The following LYZ variants were observed in gnomAD, a reference collection of about 807,000 sequenced individuals.
LYZ encodes the protein lysozyme C.
Under a neutral mutation model 15.8 loss-of-function variants are expected in LYZ, and 18 were observed. The ratio of observed to expected loss-of-function variants is 1.14; its 90% CI spans 0.79 to 1.69. LYZ has a LOEUF of 1.69. Ranked by LOEUF, LYZ falls within the 40% of genes most tolerant of loss-of-function variation. LYZ has a pLI of 0.00. For missense variants in LYZ, 139 were observed against 182.8 expected, an observed-to-expected ratio of 0.76 and a Z score of 1.38; for synonymous variants, 60 against 61.7, an observed-to-expected ratio of 0.97 and a Z score of 0.13.
In LYZ at chr12:69,353,637, C is replaced by A. The variant is rs534565279; in HGVS notation, c.*418C>A. 380 of 220,558 alleles carry A rather than the reference C, an allele frequency of 1.7e-3. 2 individuals are homozygous for A. The highest frequency in any genetic ancestry group is 4.0e-3 in the Middle Eastern group (2 of 502). The allele number at this position is 220,558 out of a possible 1,614,324, so 13.7% of individuals were successfully genotyped here. A position where few individuals can be genotyped will look rare whatever the true frequency, so the allele number is the denominator to read the frequency against. ...CCGAGTAGCTGGGATTACGGGCGCC[C>A]GCCACCACGCCCGGCTAATTTTTTG... On this transcript the variant is annotated 3_prime_UTR_variant, in exon 4 of 4. Transcript: ENST00000261267.
rs188895813 is a variant in LYZ, at chr12:69,353,649, C to T, written c.*430C>T. 3.7e-4 allele frequency: 82 copies of T among 223,042 alleles called. No individual in the cohort carries two copies. Among genetic ancestry groups the T allele is most frequent in the African/African-American group, 1.7e-3 (73 of 42,488 alleles). 13.8% of individuals were successfully genotyped at this position (223,042 alleles called of 1,614,324 possible). On this transcript the variant is annotated 3_prime_UTR_variant, in exon 4 of 4. Coordinates refer to ENST00000261267, the MANE Select transcript of LYZ (RefSeq NM_000239.3). ...GATTACGGGCGCCCGCCACCACGCC[C>T]GGCTAATTTTTTGTATTTTTAGTAG... is the stretch of plus-strand genomic sequence containing the variant.
Position 69,353,226 on chromosome 12 carries a change from A to C in LYZ, c.*7A>C. The C allele has an allele frequency of 1.2e-6, 2 of 1,612,402 alleles. No homozygotes were observed. The highest frequency in any genetic ancestry group is 1.7e-6 in the Non-Finnish European group (2 of 1,178,418). ...TCAAGGTTGTGGAGTGTAACTCCAG[A>C]ATTTTCCTTCTTCAGCTCATTTTGT... is the stretch of plus-strand genomic sequence containing the variant. On this transcript the variant is annotated 3_prime_UTR_variant, in exon 4 of 4. Coordinates refer to ENST00000261267, the MANE Select transcript of LYZ (RefSeq NM_000239.3).
intron 3 of LYZ, among the ~76,000 whole-genome samples, chr12:69,352,945 G>A (rs1288349524): frequency 1.3e-5 from 2 of 152,170 alleles, no homozygotes; most frequent in East Asian, 3.8e-4. Context: ...CAATCTTTAT[G>A]TTCGGCATTC....
chr12:69,349,995 TTA>T, intron 1 of LYZ, 111 bp from the exon 2 acceptor site: 7 of 860,688 alleles, frequency 8.1e-6, no homozygotes, highest in Non-Finnish European at 1.3e-5. Context: ...AAGTAAATCT[TTA>T]TACTTATAAA....
Position 69,353,204 on chromosome 12 carries a change from AG to A in LYZ, c.434del (p.Gly145ValfsTer20). ...QNRDVRQYVQ[G>X]CGV ...ACAGAGATGTCCGTCAGTATGTTCA[AG>A]GTTGTGGAGTGTAACTCCAGAATTT... On this transcript the variant is annotated frameshift_variant, in exon 4 of 4. Transcript: ENST00000261267. LOFTEE classifies it high-confidence loss of function. 1.2e-6 allele frequency: 2 copies of A among 1,613,978 alleles called. No individual in the cohort carries two copies. The highest frequency in any genetic ancestry group is 1.7e-6 in the Non-Finnish European group (2 of 1,179,846).
chr12:69,351,936 C>T (rs1373787256), intron 2 of LYZ, among the ~76,000 whole-genome samples: 1 of 152,066 alleles, frequency 6.6e-6, no homozygotes, highest in Non-Finnish European at 1.5e-5. Flanking sequence ...AGTAAAATAT[C>T]ACTAGGTGTT....
rs772016638 is a variant in LYZ, at chr12:69,350,210, G to A, written c.239G>A (p.Arg80His). 52 of 1,613,936 alleles carry A rather than the reference G, an allele frequency of 3.2e-5. No homozygotes were observed. The East Asian group carries it at 4.2e-4, about 13-fold the overall frequency. The change falls in exon 2 of 4, where the codon CGC (arginine) becomes CAC (histidine). Residue 80 changes from arginine (R) to histidine (H), a missense_variant. By Grantham distance (29) the Arg-to-His change is conservative. Transcript: ENST00000261267. ...TATGGGATATTTCAGATCAATAGCC[G>A]CTACTGGTGTAATGATGGCAAAACC... is the stretch of plus-strand genomic sequence containing the variant. ...TDYGIFQINS[R>H]YWCNDGKTPG...
chr12:69,353,606 A>C lies in LYZ; in HGVS notation c.*387A>C, dbSNP rs1422618594. 4.0e-6 allele frequency: 1 copy of C among 251,058 alleles called. No individual in the cohort carries two copies. The highest frequency in any genetic ancestry group is 7.7e-6 in the Non-Finnish European group (1 of 129,266). The allele number at this position is 251,058 out of a possible 1,614,324, so 15.6% of individuals were successfully genotyped here. ...CGGGTTCACGCCATTCTCCTGCCTC[A>C]GCCTCCCGAGTAGCTGGGATTACGG... On this transcript the variant is annotated 3_prime_UTR_variant, in exon 4 of 4. Transcript: ENST00000261267.
intron 3 of LYZ, 42 bp from the exon 4 acceptor site, chr12:69,353,111 T>C: frequency 1.5e-6 from 2 of 1,377,336 alleles, no homozygotes; most frequent in East Asian, 2.3e-5. Context: ...ACAATGAAGA[T>C]ATGTTTTAAC....
chr12:69,350,655 G>C (rs747045225), intron 2 of LYZ: 6 of 206,438 alleles, frequency 2.9e-5, no homozygotes, highest in Non-Finnish European at 2.9e-5. Flanking sequence ...GAAAATTAGA[G>C]ACATTAGTAT....
Position 69,353,216 on chromosome 12 carries a change from G to A in LYZ, c.444G>A (p.Val148=), listed in dbSNP as rs751118616. 7 of 1,612,482 alleles carry A rather than the reference G, an allele frequency of 4.3e-6. No homozygotes were observed. Among genetic ancestry groups the A allele is most frequent in the African/African-American group, 4.0e-5 (3 of 74,886 alleles). The change falls in exon 4 of 4, where the codon GTG becomes GTA. Residue 148 remains valine (V), a synonymous_variant. Coordinates refer to ENST00000261267, the MANE Select transcript of LYZ (RefSeq NM_000239.3). ...GTCAGTATGTTCAAGGTTGTGGAGT[G>A]TAACTCCAGAATTTTCCTTCTTCAG... ...DVRQYVQGCG[V]
intron 3 of LYZ, 143 bp from the exon 4 acceptor site, chr12:69,353,010 A>G: frequency 1.4e-6 from 1 of 706,856 alleles, no homozygotes; most frequent in Non-Finnish European, 2.6e-6. Context: ...ACATATCTTC[A>G]TTTAATAAAT....
In LYZ at chr12:69,352,296, A is replaced by G; in HGVS notation, c.378A>G (p.Ala126=). 6.2e-7 allele frequency: 1 copy of G among 1,611,712 alleles called. No individual in the cohort carries two copies. Among genetic ancestry groups the G allele is most frequent in the African/African-American group, 1.3e-5 (1 of 75,002 alleles). Residue 126 remains alanine, a splice_region_variant and synonymous_variant, in exon 3 of 4, where the codon GCA becomes GCG. Transcript: ENST00000261267. ...RVVRDPQGIR[A]WVAWRNRCQN... Reference sequence around the variant, plus strand: ...TCCGTGATCCACAAGGCATTAGAGCATGGTATGTTTTAAGTGTTAAAAGGG... The same window carrying G: ...TCCGTGATCCACAAGGCATTAGAGCGTGGTATGTTTTAAGTGTTAAAAGGG...
In LYZ at chr12:69,354,148, A is replaced by G. The variant is rs1288340070; in HGVS notation, c.*929A>G. ...ATCTGAGGCAGATGAGCTTACAAGT[A>G]TTGAAATAATTACTAATTAATCACA... is the stretch of plus-strand genomic sequence containing the variant. On this transcript the variant is annotated 3_prime_UTR_variant, in exon 4 of 4. Transcript: ENST00000261267. 1.3e-5 allele frequency: 2 copies of G among 152,250 alleles called. No homozygotes were observed. The highest frequency in any genetic ancestry group is 2.9e-5 in the Non-Finnish European group (2 of 68,042). 9.4% of individuals were successfully genotyped at this position (152,250 alleles called of 1,614,324 possible).
intron 2 of LYZ, 85 bp downstream of exon 2, chr12:69,350,357 T>A: frequency 1.4e-6 from 2 of 1,395,532 alleles, no homozygotes; most frequent in Non-Finnish European, 2.0e-6. Flanking sequence ...GAAAGGTTCA[T>A]GAGGGACCTA....
intron 2 of LYZ, 86 bp downstream of exon 2, chr12:69,350,358 G>A: frequency 7.3e-7 from 1 of 1,373,080 alleles, no homozygotes; most frequent in Non-Finnish European, 1.0e-6. Context: ...AAAGGTTCAT[G>A]AGGGACCTAG....
chr12:69,350,500 ATT>A, intron 2 of LYZ: 1 of 505,690 alleles, frequency 2.0e-6, no homozygotes, highest in Middle Eastern at 5.7e-4. Context: ...TGACCTATTA[ATT>A]TACTGTCAAT....
In LYZ at chr12:69,354,083, T is replaced by C. The variant is rs1412894919; in HGVS notation, c.*864T>C. The C allele has an allele frequency of 6.6e-6, 1 of 152,236 alleles. No individual in the cohort carries two copies. The allele number at this position is 152,236 out of a possible 1,614,324, so 9.4% of individuals were successfully genotyped here. Reference sequence around the variant, plus strand: ...AAGTGTGTTTCTTTCTAAATTGCTGTTCCTTAATTTGATTAATTTAATTCA... The same window carrying C: ...AAGTGTGTTTCTTTCTAAATTGCTGCTCCTTAATTTGATTAATTTAATTCA... On this transcript the variant is annotated 3_prime_UTR_variant, in exon 4 of 4. Coordinates refer to ENST00000261267, the MANE Select transcript of LYZ (RefSeq NM_000239.3).
chr12:69,352,999 T>G (rs1874876531), intron 3 of LYZ, among the ~76,000 whole-genome samples, 154 bp from the exon 4 acceptor site: 1 of 152,274 alleles, frequency 6.6e-6, no homozygotes, highest in Non-Finnish European at 1.5e-5. Context: ...GTATTTTGTA[T>G]ACATATCTTC....
Sources: allele counts gnomAD v4.1 joint callset (sites outside exome capture counted in the v4.1 genomes callset), GRCh38; gene constraint gnomAD v4.1.1; transcripts MANE v1.5; gene names NCBI Gene and HGNC (gene_info 2026-07-23, HGNC 2026-07-21).